Variants in PCDHGB3 observed in about 807,000 individuals in gnomAD.
PCDHGB3 encodes the protein protocadherin gamma subfamily B, 3.
PCDHGB3 carries 40 observed loss-of-function variants against 59.2 expected under a neutral mutation model. The observed-to-expected ratio is 0.68, with a 90% CI of 0.52 to 0.88. The LOEUF is 0.88. Ranked by LOEUF, PCDHGB3 falls within the 40% of genes least tolerant of loss-of-function variation. The pLI, the probability that PCDHGB3 is intolerant of heterozygous loss-of-function variation, is 0.00. For missense variants in PCDHGB3, 1,309 were observed against 1,187.9 expected (o/e 1.10, Z -1.50); for synonymous variants, 581 against 503.6 (o/e 1.15, Z -2.06).
intron 1 of PCDHGB3, among the ~76,000 whole-genome samples, chr5:141,456,381 G>T (rs1296419395): frequency 6.6e-6 from 1 of 152,110 alleles, no homozygotes; most frequent in Admixed American, 6.6e-5. Context: ...TTACAGCACC[G>T]TTTGGAGTTT....
chr5:141,454,228 T>C (rs6896225), intron 1 of PCDHGB3, among the ~76,000 whole-genome samples: 1,935 of 152,208 alleles, frequency 0.013, 54 homozygotes, highest in African/African-American at 0.044. Flanking sequence ...AAAGTAATTG[T>C]GATGAAAAGG....
At chr5:141,460,134 T>TCAAAGA in intron 1 of PCDHGB3, among the ~76,000 whole-genome samples, 1 of 152,066 alleles carries the variant, frequency 6.6e-6, no homozygotes, top group South Asian at 2.1e-4. Flanking sequence ...AATATATATA[T>TCAAAGA]TCTTGATGTG....
chr5:141,413,788 G>T (rs2095678300), intron 1 of PCDHGB3: 1 of 1,613,166 alleles, frequency 6.2e-7, no homozygotes, highest in African/African-American at 1.3e-5. Flanking sequence ...GCACTCCCTA[G>T]ATCGCGAGGA....
chr5:141,461,371 G>C (rs755281402), intron 1 of PCDHGB3, among the ~76,000 whole-genome samples: 1 of 152,084 alleles, frequency 6.6e-6, no homozygotes, highest in Non-Finnish European at 1.5e-5. Context: ...GTTTTAATTT[G>C]CATTTTCCTG....
chr5:141,376,090 C>T (rs372887480), intron 1 of PCDHGB3: 11 of 1,613,674 alleles, frequency 6.8e-6, no homozygotes, highest in Admixed American at 1.7e-5. Context: ...ACAGGATCCC[C>T]GACATCCTGG....
chr5:141,405,345 A>C (rs758657243), intron 1 of PCDHGB3: 2 of 1,613,944 alleles, frequency 1.2e-6, no homozygotes, highest in Middle Eastern at 1.6e-4. Context: ...GTTGATTCCA[A>C]GTTTCCTATA....
At chr5:141,502,082 G>A (rs538827992) in intron 2 of PCDHGB3, among the ~76,000 whole-genome samples, 1 of 152,252 alleles carries the variant, frequency 6.6e-6, no homozygotes, top group Non-Finnish European at 1.5e-5. Flanking sequence ...ACCTGGGGCT[G>A]AGAACACCTG....
chr5:141,399,009 C>A (rs759328384), intron 1 of PCDHGB3: 1 of 1,613,812 alleles, frequency 6.2e-7, no homozygotes, highest in African/African-American at 1.3e-5. Context: ...ATTCAAAGAG[C>A]GGAGAAATTA....
At chr5:141,427,115 C>G (rs1276437779) in intron 1 of PCDHGB3, 5 of 457,520 alleles carry the variant, frequency 1.1e-5, no homozygotes, top group African/African-American at 1.0e-4. Flanking sequence ...AGATCACCTA[C>G]TCTTTCAAAT....
chr5:141,483,716 G>C (rs772661472), intron 1 of PCDHGB3, among the ~76,000 whole-genome samples: 1 of 151,974 alleles, frequency 6.6e-6, no homozygotes, highest in Non-Finnish European at 1.5e-5. Context: ...CCAGAATATT[G>C]GTTCCCACCA....
chr5:141,396,611 C>T (rs1310113508), intron 1 of PCDHGB3: 1 of 150,986 alleles, frequency 6.6e-6, no homozygotes, highest in Non-Finnish European at 1.5e-5. Flanking sequence ...CAGGGTGAGA[C>T]TCCGTCTCAA....
rs778761799 is a variant in PCDHGB3 at position 141,372,545 on chromosome 5, C to T, written c.2151C>T (p.Cys717=). 1 of 1,614,032 alleles carries T rather than the reference C, an allele frequency of 6.2e-7. No individual in the cohort carries two copies. The highest frequency in any genetic ancestry group is 1.1e-5 in the South Asian group (1 of 91,086). Reference sequence around the variant, plus strand: ...TGGCAATCTCCCTGCGCCTGCGATGCTCCTCCAGACCCGCCACTGAGGGCT... The same window carrying T: ...TGGCAATCTCCCTGCGCCTGCGATGTTCCTCCAGACCCGCCACTGAGGGCT... ...VILAISLRLR[C]SSRPATEGYF... is the part of the protein sequence containing the mutation. The change falls in exon 1 of 4, where the codon TGC becomes TGT. Residue 717 remains cysteine (C), a synonymous_variant. Coordinates refer to ENST00000576222, the MANE Select transcript of PCDHGB3 (RefSeq NM_018924.5).
chr5:141,511,241 C>A lies in PCDHGB3; in HGVS notation c.*68C>A. On this transcript the variant is annotated 3_prime_UTR_variant, in exon 4 of 4. Coordinates refer to ENST00000576222, the MANE Select transcript of PCDHGB3 (RefSeq NM_018924.5). ...CCAGCCCAGCTTCTCCTTACCTGCA[C>A]CCAGGCCTCAGAGTTTCAGGGCTAA... 1 of 1,585,212 alleles carries A rather than the reference C, an allele frequency of 6.3e-7. No individual in the cohort carries two copies. The highest frequency in any genetic ancestry group is 8.6e-7 in the Non-Finnish European group (1 of 1,165,762).
chr5:141,387,207 T>A (rs986621045), intron 1 of PCDHGB3, among the ~76,000 whole-genome samples: 1 of 152,136 alleles, frequency 6.6e-6, no homozygotes, highest in Non-Finnish European at 1.5e-5. Flanking sequence ...TTACTGATAC[T>A]CTCCGGAAAA....
chr5:141,487,293 C>T lies in PCDHGB3; in HGVS notation c.2416-7514C>T. ...GCAATTTGCTTTGTCTCCTTTGGCT[C>T]ATTCGTGGCACTACTCTCTAAGTGT... is the stretch of plus-strand genomic sequence containing the variant. On this transcript the variant is annotated intron_variant, in intron 1 of 3. Transcript: ENST00000576222. The surrounding 1 kb of genome is among the most constrained non-coding windows in gnomAD (Gnocchi z 5.0). 1 of 1,614,148 alleles carries T rather than the reference C, an allele frequency of 6.2e-7. No individual in the cohort carries two copies. Among genetic ancestry groups the T allele is most frequent in the Non-Finnish European group, 8.5e-7 (1 of 1,180,010 alleles).
Position 141,476,075 on chromosome 5 carries a change from G to T in PCDHGB3, c.2416-18732G>T. ...TGAAAGTTTCTCAGCGAAATCTCAG[G>T]GACGATCTGGACCCCGCTGAGAGGA... On this transcript the variant is annotated intron_variant, in intron 1 of 3. Coordinates refer to ENST00000576222, the MANE Select transcript of PCDHGB3 (RefSeq NM_018924.5). This position sits in a 1 kb window ranked among gnomAD's most constrained non-coding sequence, Gnocchi z 7.6. The T allele has an allele frequency of 6.6e-7, 1 of 1,526,282 alleles. No homozygotes were observed. The highest frequency in any genetic ancestry group is 1.3e-5 in the South Asian group (1 of 78,462). The allele number at this position is 1,526,282 out of a possible 1,614,324, so 94.5% of individuals were successfully genotyped here.
chr5:141,411,868 A>AG (rs1463496640), intron 1 of PCDHGB3: 1 of 152,224 alleles, frequency 6.6e-6, no homozygotes, highest in East Asian at 1.9e-4. Flanking sequence ...TCAAAAAAAA[A>AG]AGACATTTCT....
chr5:141,374,050 T>C (rs1156255025), intron 1 of PCDHGB3: 1 of 1,475,134 alleles, frequency 6.8e-7, no homozygotes, highest in African/African-American at 1.4e-5. Flanking sequence ...TTCTTCCTCT[T>C]CTTAATCCCA....
intron 1 of PCDHGB3, chr5:141,478,142 G>A: frequency 3.7e-6 from 6 of 1,613,988 alleles, no homozygotes; most frequent in Non-Finnish European, 4.2e-6. Flanking sequence ...AGCCCGAGCC[G>A]AGTTCCCCTC....
Sources: gnomAD v4.1 joint callset for allele counts (sites outside exome capture counted in the v4.1 genomes callset) on GRCh38, gnomAD v4.1.1 for gene constraint, Gnocchi (gnomAD v3.1) non-coding constraint, MANE v1.5 for transcripts, NCBI Gene and HGNC (gene_info 2026-07-23, HGNC 2026-07-21) for gene names.